The following GRB10 variants were observed in gnomAD, a reference collection of about 807,000 sequenced individuals.
GRB10 encodes the protein growth factor receptor bound protein 10.
In GRB10, 20 loss-of-function variants were observed where a neutral mutation model predicts 80.9. The observed-to-expected ratio is 0.25, with a 90% confidence interval of 0.17 to 0.36. The LOEUF (loss-of-function observed/expected upper bound fraction) is 0.36, where lower values mean the gene tolerates loss of function less well. GRB10 is among the 10% of genes least tolerant of loss of function. The pLI is 1.00. For missense variants in GRB10, 548 were observed against 747.7 expected, an observed-to-expected ratio of 0.73 and a Z score of 3.12; for synonymous variants, 291 against 291.5, an observed-to-expected ratio of 1.00 and a Z score of 0.02.
At chr7:50,647,845 G>A (rs576430747) in intron 7 of GRB10, among the ~76,000 whole-genome samples, 8 of 152,320 alleles carry the variant, frequency 5.3e-5, no homozygotes, top group African/African-American at 1.9e-4. Context: ...GGGGTGGCGT[G>A]AAACTCAAAA....
intron 7 of GRB10, among the ~76,000 whole-genome samples, chr7:50,631,176 A>G (rs1490442133): frequency 6.6e-6 from 1 of 152,174 alleles, no homozygotes; most frequent in East Asian, 1.9e-4. Flanking sequence ...TTGCTCTTGG[A>G]TAACTTACAG....
At position 50,592,970 on chromosome 7, in the gene GRB10, G is replaced by A. The variant is rs761279838; in HGVS notation, c.1767C>T (p.Cys589=). ...GVLPCKLKHH[C]IRVAL ...TCTGCGGTCATAAGGCCACTCGGATGCAGTGGTGCTTGAGTTTGCAAGGCA... is the reference window on the plus strand; with the variant it reads ...TCTGCGGTCATAAGGCCACTCGGATACAGTGGTGCTTGAGTTTGCAAGGCA... The change falls in exon 19 of 19, where the codon TGC becomes TGT. Residue 589 remains cysteine (C), a synonymous_variant. Coordinates refer to ENST00000401949, the MANE Select transcript of GRB10 (RefSeq NM_001350814.2). 2.5e-6 allele frequency: 4 copies of A among 1,614,214 alleles called. No homozygotes were observed. The Admixed American group carries it at 5.0e-5, about 20-fold the overall frequency.
intron 4 of GRB10, 85 bp downstream of exon 4, chr7:50,732,187 C>T (rs766318750): frequency 2.2e-5 from 31 of 1,393,614 alleles, no homozygotes; most frequent in Middle Eastern, 2.1e-4. Context: ...GCTACAGAAA[C>T]GATCCATGGC....
At chr7:50,663,227 C>A (rs2059453378) in intron 7 of GRB10, among the ~76,000 whole-genome samples, 1 of 152,074 alleles carries the variant, frequency 6.6e-6, no homozygotes, top group South Asian at 2.1e-4. Flanking sequence ...CCCCAGGCAG[C>A]CCCCTCCCTG....
At chr7:50,688,801 A>C (rs911725530) in intron 5 of GRB10, among the ~76,000 whole-genome samples, 2 of 152,098 alleles carry the variant, frequency 1.3e-5, no homozygotes, top group Non-Finnish European at 2.9e-5. Flanking sequence ...GGGGGGGCAG[A>C]GGTGGAGCAG....
chr7:50,616,412 A>G (rs1413995875), intron 10 of GRB10, 65 bp from the exon 11 acceptor site: 1 of 1,439,908 alleles, frequency 6.9e-7, no homozygotes, highest in Admixed American at 1.8e-5. Context: ...CAGACATGTT[A>G]TCAGCATAGC....
chr7:50,760,212 T>C (rs183957475), intron 2 of GRB10, among the ~76,000 whole-genome samples: 1 of 152,186 alleles, frequency 6.6e-6, no homozygotes, highest in Admixed American at 6.5e-5. Flanking sequence ...AGGATAAATA[T>C]ACATGCACAC....
At chr7:50,664,933 G>A (rs1000690078) in intron 7 of GRB10, among the ~76,000 whole-genome samples, 2 of 152,214 alleles carry the variant, frequency 1.3e-5, no homozygotes, top group Admixed American at 1.3e-4. Flanking sequence ...TTAGAGGAAA[G>A]AAATTAAACA....
At chr7:50,757,637 G>A (rs2075263769) in intron 2 of GRB10, among the ~76,000 whole-genome samples, 1 of 152,232 alleles carries the variant, frequency 6.6e-6, no homozygotes, top group African/African-American at 2.4e-5. Flanking sequence ...ATGTCGACTA[G>A]AATATTTCTA....
chr7:50,595,068 C>T (rs961049590), intron 18 of GRB10, among the ~76,000 whole-genome samples: 1 of 152,074 alleles, frequency 6.6e-6, no homozygotes, highest in Non-Finnish European at 1.5e-5. Flanking sequence ...TTCTCCTCCA[C>T]CTCCCCTTCC....
At chr7:50,594,896 A>C (rs188759531) in intron 18 of GRB10, among the ~76,000 whole-genome samples, 434 of 152,344 alleles carry the variant, frequency 2.8e-3, no homozygotes, top group Non-Finnish European at 5.1e-3. Flanking sequence ...AAGGAGAAAC[A>C]AAATTACTCT....
chr7:50,650,628 G>A (rs1375546608), intron 7 of GRB10, among the ~76,000 whole-genome samples: 1 of 152,242 alleles, frequency 6.6e-6, no homozygotes, highest in Non-Finnish European at 1.5e-5. Context: ...ATGTAAGGAT[G>A]TGTTCCCCTG....
intron 15 of GRB10, chr7:50,605,031 C>T (rs879387672): frequency 3.2e-5 from 17 of 523,384 alleles, no homozygotes; most frequent in African/African-American, 1.9e-4. Flanking sequence ...ATAGGAGCCA[C>T]GGAGGGCAGA....
At chr7:50,637,945 A>C (rs1022090107) in intron 7 of GRB10, among the ~76,000 whole-genome samples, 7 of 152,190 alleles carry the variant, frequency 4.6e-5, no homozygotes, top group African/African-American at 1.7e-4. Context: ...AAAATAAACA[A>C]TGGCAAAAAG....
At chr7:50,636,137 C>T (rs967134513) in intron 7 of GRB10, among the ~76,000 whole-genome samples, 1 of 152,008 alleles carries the variant, frequency 6.6e-6, no homozygotes, top group Non-Finnish European at 1.5e-5. Flanking sequence ...GCCACCACAC[C>T]TGGCTAATTT....
intron 5 of GRB10, among the ~76,000 whole-genome samples, chr7:50,675,556 C>G (rs2060838046): frequency 6.6e-6 from 1 of 152,218 alleles, no homozygotes; most frequent in South Asian, 2.1e-4. Flanking sequence ...CTCAGCCCAT[C>G]ACCTGAAGAC....
chr7:50,702,165 G>GGGCTGCATCCACTCTGTCTGGCTGCCT (rs1479562733), intron 5 of GRB10, among the ~76,000 whole-genome samples: 1 of 152,224 alleles, frequency 6.6e-6, no homozygotes, highest in Non-Finnish European at 1.5e-5. Context: ...TCTGGCTGCA[G>GGGCTGCATCCACTCTGTCTGGCTGCCT]GGCTGCATCC....
intron 4 of GRB10, among the ~76,000 whole-genome samples, chr7:50,716,847 G>A (rs1261011055): frequency 1.3e-5 from 2 of 152,162 alleles, no homozygotes; most frequent in Admixed American, 1.3e-4. Context: ...CATAGTAATA[G>A]AAACTATCCA....
chr7:50,633,106 T>C (rs1040890604), intron 7 of GRB10, among the ~76,000 whole-genome samples: 4 of 152,194 alleles, frequency 2.6e-5, no homozygotes, highest in Non-Finnish European at 5.9e-5. Flanking sequence ...CCTACTGGCC[T>C]GTAGGGTGAA....
Sources: gnomAD v4.1 joint callset for allele counts (sites outside exome capture counted in the v4.1 genomes callset) on GRCh38, gnomAD v4.1.1 for gene constraint, MANE v1.5 for transcripts, NCBI Gene and HGNC (gene_info 2026-07-23, HGNC 2026-07-21) for gene names.